The following VANGL1 variants were observed in gnomAD, a reference collection of about 807,000 sequenced individuals.
VANGL1 encodes the protein VANGL planar cell polarity protein 1.
In VANGL1, 18 loss-of-function variants were observed where a neutral mutation model predicts 48.4. The observed-to-expected ratio is 0.37, with a 90% CI of 0.26 to 0.55. VANGL1 has a LOEUF of 0.55. Among genes scored for constraint, VANGL1 ranks in the 20% least tolerant of loss-of-function variants. The probability of loss-of-function intolerance (pLI) is 0.81; values close to 1 mark genes in which losing one functional copy is unlikely to be tolerated. For missense variants in VANGL1, 667 were observed against 675.8 expected (o/e 0.99, Z 0.14); for synonymous variants, 257 against 261.8 (o/e 0.98, Z 0.18).
chr1:115,656,640 T>C (rs905673421), intron 2 of VANGL1, among the ~76,000 whole-genome samples: 5 of 152,248 alleles, frequency 3.3e-5, no homozygotes, highest in African/African-American at 1.2e-4. Context: ...GATTCTTCTC[T>C]GGTTTCCCTC....
intron 4 of VANGL1, 142 bp from the exon 5 acceptor site, chr1:115,682,222 G>A: frequency 8.3e-7 from 1 of 1,204,110 alleles, no homozygotes; most frequent in Non-Finnish European, 1.2e-6. Flanking sequence ...GAGACCAGAA[G>A]TGTGGTGGAA....
intron 2 of VANGL1, among the ~76,000 whole-genome samples, chr1:115,653,151 T>C (rs1215923961): frequency 2.0e-5 from 3 of 152,210 alleles, no homozygotes; most frequent in African/African-American, 7.2e-5. Context: ...ACTTTAATTG[T>C]TTTCTAAATT....
rs1190928122 is a variant in VANGL1 at position 115,689,101 on chromosome 1, T to C, written c.1315-2018T>C. ...CCACTGCGCCCAGCCTATATTTCTT[T>C]AGTTAATAATGTGATAGAAAAATTT... On this transcript the variant is annotated intron_variant, in intron 7 of 7. Coordinates refer to ENST00000355485, the MANE Select transcript of VANGL1 (RefSeq NM_138959.3). 2.9e-5 allele frequency among the ~76,000 whole-genome samples: 4 copies of C among 137,958 alleles called. 1 individual carries two copies. In the Admixed American group the frequency reaches 3.0e-4, roughly 10 times the overall value. The allele number at this position is 137,958 out of a possible 152,430, so 90.5% of individuals were successfully genotyped here. A position where few individuals can be genotyped will look rare whatever the true frequency, so the allele number is the denominator to read the frequency against.
At chr1:115,650,820 A>G (rs959617898) in intron 1 of VANGL1, among the ~76,000 whole-genome samples, 3 of 151,820 alleles carry the variant, frequency 2.0e-5, no homozygotes, top group Non-Finnish European at 4.4e-5. Flanking sequence ...TTCGGATCCT[A>G]GATCAAAAAG....
At position 115,693,026 on chromosome 1, in the gene VANGL1, A is replaced by G. The variant is rs529826781; in HGVS notation, c.*1647A>G. On this transcript the variant is annotated 3_prime_UTR_variant, in exon 8 of 8. Coordinates refer to ENST00000355485, the MANE Select transcript of VANGL1 (RefSeq NM_138959.3). ...TCAAAATTGGCTTTGGATCTTTGTA[A>G]TACACCTGTACCTGAAAAAGTAAAC... is the stretch of plus-strand genomic sequence containing the variant. 1 of 152,338 alleles carries G rather than the reference A, an allele frequency of 6.6e-6. No individual in the cohort carries two copies. The highest frequency in any genetic ancestry group is 2.4e-5 in the African/African-American group (1 of 41,562). The allele number at this position is 152,338 out of a possible 1,614,324, so 9.4% of individuals were successfully genotyped here.
chr1:115,684,229 C>A (rs1653508043), intron 6 of VANGL1, among the ~76,000 whole-genome samples, 153 bp downstream of exon 6: 1 of 152,110 alleles, frequency 6.6e-6, no homozygotes, highest in Non-Finnish European at 1.5e-5. Context: ...ACCTCTGCCT[C>A]CCAGGTTCCA....
At chr1:115,673,456 C>T (rs1281944704) in intron 4 of VANGL1, among the ~76,000 whole-genome samples, 1 of 152,100 alleles carries the variant, frequency 6.6e-6, no homozygotes, top group Non-Finnish European at 1.5e-5. Context: ...CGCAAAGCCT[C>T]TAGGGAAGAA....
Position 115,684,555 on chromosome 1 carries a change from G to A in VANGL1, c.1079+479G>A, listed in dbSNP as rs140409679. Among the ~76,000 whole-genome samples the A allele has an allele frequency of 3.9e-5, 6 of 152,312 alleles. No individual in the cohort carries two copies. The East Asian group carries it at 9.6e-4, about 24-fold the overall frequency. ...TTGCTCCAGTGTTTCTCAAACTGAA[G>A]CCTGTATGAATATCACTGGGAGGGC... On this transcript the variant is annotated intron_variant, in intron 6 of 7. Transcript: ENST00000355485.
intron 4 of VANGL1, among the ~76,000 whole-genome samples, chr1:115,673,893 G>T (rs1417557227): frequency 6.6e-6 from 1 of 152,060 alleles, no homozygotes; most frequent in Non-Finnish European, 1.5e-5. Context: ...AGCCAAAGAG[G>T]CCTGGCCACC....
intron 4 of VANGL1, among the ~76,000 whole-genome samples, chr1:115,674,611 T>A (rs938380767): frequency 1.3e-5 from 2 of 152,208 alleles, no homozygotes; most frequent in Non-Finnish European, 2.9e-5. Context: ...GTGACATGTA[T>A]TTGGGGAATT....
chr1:115,661,181 A>T (rs1257975835), intron 3 of VANGL1, among the ~76,000 whole-genome samples: 1 of 152,118 alleles, frequency 6.6e-6, no homozygotes, highest in Non-Finnish European at 1.5e-5. Flanking sequence ...TGTAGGCCTC[A>T]ATTTCTTTAT....
chr1:115,653,793 G>C (rs1652241688), intron 2 of VANGL1, among the ~76,000 whole-genome samples: 1 of 152,226 alleles, frequency 6.6e-6, no homozygotes, highest in African/African-American at 2.4e-5. Context: ...GTTAATACAA[G>C]CTGAGTCTTT....
At chr1:115,685,076 C>A (rs1304524770) in intron 6 of VANGL1, among the ~76,000 whole-genome samples, 1 of 152,152 alleles carries the variant, frequency 6.6e-6, no homozygotes, top group African/African-American at 2.4e-5. Flanking sequence ...TTCCCCCAAC[C>A]CCTGGGGCCC....
At chr1:115,644,890 G>A (rs1651860484) in intron 1 of VANGL1, among the ~76,000 whole-genome samples, 1 of 152,156 alleles carries the variant, frequency 6.6e-6, no homozygotes, top group African/African-American at 2.4e-5. Flanking sequence ...GGCGAAACAA[G>A]TAAAACAAAG....
At chr1:115,684,812 G>C (rs1034931417) in intron 6 of VANGL1, among the ~76,000 whole-genome samples, 3 of 152,162 alleles carry the variant, frequency 2.0e-5, no homozygotes, top group African/African-American at 7.2e-5. Context: ...CATGTGTGCT[G>C]TGCCTCTTCC....
At chr1:115,675,147 G>A (rs1653115813) in intron 4 of VANGL1, among the ~76,000 whole-genome samples, 1 of 152,204 alleles carries the variant, frequency 6.6e-6, no homozygotes, top group Non-Finnish European at 1.5e-5. Context: ...TCGTTTCAGT[G>A]TGAAAGTGAA....
At chr1:115,681,406 T>G (rs1440372882) in intron 4 of VANGL1, among the ~76,000 whole-genome samples, 2 of 152,084 alleles carry the variant, frequency 1.3e-5, no homozygotes, top group Admixed American at 1.3e-4. Context: ...GATAGTCACC[T>G]TCATACCCCT....
intron 1 of VANGL1, among the ~76,000 whole-genome samples, chr1:115,646,494 T>C (rs887785183): frequency 2.4e-4 from 22 of 92,870 alleles, no homozygotes; most frequent in Admixed American, 4.4e-4. Context: ...GTAGTATAGC[T>C]TTTTTTTTTT....
chr1:115,657,746 A>G (rs1234664888), intron 2 of VANGL1, among the ~76,000 whole-genome samples: 2 of 152,188 alleles, frequency 1.3e-5, no homozygotes, highest in African/African-American at 4.8e-5. Context: ...ACACCTTCAT[A>G]AAGAAATGAG....
Sources: allele counts gnomAD v4.1 joint callset (sites outside exome capture counted in the v4.1 genomes callset), GRCh38; gene constraint gnomAD v4.1.1; transcripts MANE v1.5; gene names NCBI Gene and HGNC (gene_info 2026-07-23, HGNC 2026-07-21).